Variants in DLC1 observed in about 807,000 individuals in gnomAD.
The protein encoded by DLC1 is rho GTPase-activating protein 7.
DLC1 carries 54 observed loss-of-function variants against 140.3 expected under a neutral mutation model. The observed-to-expected ratio is 0.38, with a 90% CI of 0.31 to 0.48. The LOEUF (loss-of-function observed/expected upper bound fraction) is 0.48. Among genes scored for constraint, DLC1 ranks in the 20% least tolerant of loss-of-function variants. DLC1 has a pLI of 0.96. For synonymous variants in DLC1, 986 were observed against 728.1 expected, an observed-to-expected ratio of 1.35 and a Z score of -5.70; for missense variants, 2,536 against 1,907.0, an observed-to-expected ratio of 1.33 and a Z score of -6.14.
intron 2 of DLC1, among the ~76,000 whole-genome samples, chr8:13,438,328 C>T (rs1304870615): frequency 6.6e-6 from 1 of 152,092 alleles, no homozygotes; most frequent in Non-Finnish European, 1.5e-5. Context: ...GGTGCTTAAT[C>T]AATAGTATTT....
chr8:13,158,731 CCT>C (rs1465583596), intron 5 of DLC1, among the ~76,000 whole-genome samples: 11 of 15,148 alleles, frequency 7.3e-4, no homozygotes, highest in African/African-American at 2.5e-3. Flanking sequence ...CAACCACCAC[CCT>C]CCCCCCCCCC....
At chr8:13,381,552 G>C (rs913803251) in intron 4 of DLC1, among the ~76,000 whole-genome samples, 4 of 152,164 alleles carry the variant, frequency 2.6e-5, no homozygotes, top group African/African-American at 9.7e-5. Context: ...CTCTGTCGTT[G>C]TCTCTTAGAT....
In DLC1 at chr8:13,095,074, C is replaced by T; in HGVS notation, c.3327+12G>A. 4.3e-6 allele frequency: 7 copies of T among 1,614,048 alleles called. No individual in the cohort carries two copies. The highest frequency in any genetic ancestry group is 5.9e-6 in the Non-Finnish European group (7 of 1,179,882). On this transcript the variant is annotated intron_variant, in intron 11 of 17. Transcript: ENST00000276297. ...TCCCCTGAGTACGTGGACCCGCAGG[C>T]AGCGCTCTCACCTGATCCAAACAAT...
chr8:13,550,508 A>T (rs1803809552), intron 1 of DLC1, among the ~76,000 whole-genome samples: 1 of 152,156 alleles, frequency 6.6e-6, no homozygotes, highest in Admixed American at 6.6e-5. Context: ...GAATTTTAAA[A>T]GTCAAAAGGA....
At chr8:13,550,873 T>A (rs1803821378) in intron 1 of DLC1, among the ~76,000 whole-genome samples, 1 of 152,064 alleles carries the variant, frequency 6.6e-6, no homozygotes, top group Non-Finnish European at 1.5e-5. Flanking sequence ...AATGGTGCTA[T>A]TAGCTACGAT....
intron 1 of DLC1, among the ~76,000 whole-genome samples, chr8:13,581,353 C>T (rs889479528): frequency 6.6e-6 from 1 of 152,088 alleles, no homozygotes; most frequent in African/African-American, 2.4e-5. Context: ...TTAGTCTGTC[C>T]CAAACAAAAC....
chr8:13,276,415 C>G (rs765973081), intron 5 of DLC1: 1 of 1,462,644 alleles, frequency 6.8e-7, no homozygotes, highest in South Asian at 1.3e-5. Context: ...TCGCAGACGC[C>G]TTCAGCGCAG....
intron 2 of DLC1, among the ~76,000 whole-genome samples, chr8:13,408,441 A>T (rs1279064875): frequency 6.6e-6 from 1 of 152,124 alleles, no homozygotes; most frequent in Non-Finnish European, 1.5e-5. Context: ...AGGTTTTTAA[A>T]CTCCAACTAG....
At chr8:13,390,195 C>G (rs150965847) in intron 4 of DLC1, among the ~76,000 whole-genome samples, 112 of 152,200 alleles carry the variant, frequency 7.4e-4, no homozygotes, top group Middle Eastern at 3.4e-3. Context: ...AATAACAACA[C>G]CAATAACAAG....
At chr8:13,179,177 T>C (rs1825908046) in intron 5 of DLC1, among the ~76,000 whole-genome samples, 1 of 151,914 alleles carries the variant, frequency 6.6e-6, no homozygotes, top group Non-Finnish European at 1.5e-5. Flanking sequence ...CAAAATAGTG[T>C]GCACTGTATG....
chr8:13,143,846 G>GAGAGACAT (rs1554584125), intron 5 of DLC1, among the ~76,000 whole-genome samples: 9 of 148,388 alleles, frequency 6.1e-5, no homozygotes, highest in Non-Finnish European at 1.4e-4. Flanking sequence ...GAGAGAGAGA[G>GAGAGACAT]AGAGAGACAT....
At chr8:13,577,970 G>A (rs1436187060) in intron 1 of DLC1, among the ~76,000 whole-genome samples, 1 of 151,398 alleles carries the variant, frequency 6.6e-6, no homozygotes, top group Non-Finnish European at 1.5e-5. Flanking sequence ...AAGCATGAAT[G>A]TTTATTCCTG....
intron 5 of DLC1, among the ~76,000 whole-genome samples, chr8:13,191,647 A>G (rs113755491): frequency 8.5e-4 from 129 of 152,278 alleles, no homozygotes; most frequent in African/African-American, 2.7e-3. Context: ...ATGAATCACA[A>G]TGTTAAATCA....
intron 1 of DLC1, among the ~76,000 whole-genome samples, chr8:13,539,360 C>A (rs1188413092): frequency 6.6e-6 from 1 of 152,072 alleles, no homozygotes; most frequent in Admixed American, 6.5e-5. Context: ...CCACCACACC[C>A]AGCTAATTTT....
intron 5 of DLC1, among the ~76,000 whole-genome samples, chr8:13,183,448 G>A (rs1191295858): frequency 6.6e-6 from 1 of 152,218 alleles, no homozygotes; most frequent in Admixed American, 6.5e-5. Context: ...TATTGGCTGT[G>A]GGTTTGTCAT....
At chr8:13,446,535 AAAG>A (rs1297755160) in intron 2 of DLC1, among the ~76,000 whole-genome samples, 1 of 151,584 alleles carries the variant, frequency 6.6e-6, no homozygotes, top group Non-Finnish European at 1.5e-5. Flanking sequence ...GTGTACATAG[AAAG>A]AAGGAGAGAA....
chr8:13,264,052 T>TATTTATTTATTTATTTA (rs145620486), intron 5 of DLC1, among the ~76,000 whole-genome samples: 1 of 143,034 alleles, frequency 7.0e-6, no homozygotes, highest in African/African-American at 2.6e-5. Context: ...ATAAGAAGCT[T>TATTTATTTATTTATTTA]TTTATTTATT....
intron 5 of DLC1, among the ~76,000 whole-genome samples, chr8:13,300,360 G>A (rs933328077): frequency 1.3e-5 from 2 of 152,144 alleles, no homozygotes; most frequent in African/African-American, 4.8e-5. Flanking sequence ...GGGTTGATAG[G>A]TGCAGCAAAC....
chr8:13,375,543 A>G (rs1047316922), intron 4 of DLC1, among the ~76,000 whole-genome samples: 1 of 152,100 alleles, frequency 6.6e-6, no homozygotes, highest in African/African-American at 2.4e-5. Context: ...TTCCAACACT[A>G]TGTTGAATAG....
Sources: allele counts gnomAD v4.1 joint callset (sites outside exome capture counted in the v4.1 genomes callset), GRCh38; gene constraint gnomAD v4.1.1; transcripts MANE v1.5; gene names NCBI Gene and HGNC (gene_info 2026-07-23, HGNC 2026-07-21).